The following ASTN2 variants were observed in gnomAD, a reference collection of about 807,000 sequenced individuals.
ASTN2 encodes astrotactin-2.
In ASTN2, 54 loss-of-function variants were observed where a neutral mutation model predicts 139.8. The ratio of observed to expected loss-of-function variants is 0.39; its 90% CI spans 0.31 to 0.48. ASTN2 has a LOEUF of 0.48. Ranked by LOEUF, ASTN2 falls within the 20% of genes least tolerant of loss-of-function variation. The pLI, the probability that ASTN2 is intolerant of heterozygous loss-of-function variation, is 0.95. For missense variants in ASTN2, 1,565 were observed against 1,725.1 expected, an observed-to-expected ratio of 0.91 and a Z score of 1.64; for synonymous variants, 756 against 719.5, an observed-to-expected ratio of 1.05 and a Z score of -0.81.
chr9:116,578,530 T>G (rs1853815428), intron 19 of ASTN2, among the ~76,000 whole-genome samples: 1 of 147,654 alleles, frequency 6.8e-6, no homozygotes, highest in African/African-American at 2.5e-5. Flanking sequence ...GAAATCAGAA[T>G]TCCAGAAATG....
Position 116,427,834 on chromosome 9 carries a change from C to CA in ASTN2, c.3783-1747_3783-1746insT, listed in dbSNP as rs1223216790. Among the ~76,000 whole-genome samples the CA allele has an allele frequency of 3.7e-4, 57 of 152,032 alleles. 1 individual carries two copies. Among genetic ancestry groups the CA allele is most frequent in the Non-Finnish European group, 4.1e-4 (28 of 67,974 alleles). On this transcript the variant is annotated intron_variant, in intron 22 of 22. Coordinates refer to ENST00000313400, the MANE Select transcript of ASTN2 (RefSeq NM_001365068.1). ...AGTCCTCTTTCCCCTCGGGCAAGTG[C>CA]CCCCCCCAAGAGGAGCCTGAGGAGT...
intron 1 of ASTN2, among the ~76,000 whole-genome samples, chr9:117,332,339 G>A (rs1251019790): frequency 6.6e-6 from 1 of 152,168 alleles, no homozygotes; most frequent in East Asian, 1.9e-4. Flanking sequence ...GGGAGGCCAA[G>A]GTGAGTGGAT....
At chr9:116,874,455 G>A (rs1833245287) in intron 10 of ASTN2, among the ~76,000 whole-genome samples, 1 of 152,142 alleles carries the variant, frequency 6.6e-6, no homozygotes, top group African/African-American at 2.4e-5. Context: ...AGGAAGAGAA[G>A]AAGGGCACAA....
In ASTN2 at chr9:116,976,252, G is replaced by T. The variant is rs913201837; in HGVS notation, c.1677-64C>A. The T allele has an allele frequency of 1.1e-5, 15 of 1,357,050 alleles. No individual in the cohort carries two copies. The African/African-American group carries it at 1.9e-4, about 17-fold the overall frequency. 84.1% of individuals were successfully genotyped at this position (1,357,050 alleles called of 1,614,324 possible). On this transcript the variant is annotated intron_variant, in intron 8 of 22. Coordinates refer to ENST00000313400, the MANE Select transcript of ASTN2 (RefSeq NM_001365068.1). ...TCAGAGGCAGGTAGAATTCACATGT[G>T]GACACTGCTCTAGAGTAGCTTTACA...
Position 117,101,024 on chromosome 9 carries a change from G to T in ASTN2, c.1169-4873C>A, listed in dbSNP as rs1458746935. ...AGGGGTACAAGAACTCAGCTCAATGGTTATTATTGGGAAAAGAGTATGCTG... is the reference window on the plus strand; with the variant it reads ...AGGGGTACAAGAACTCAGCTCAATGTTTATTATTGGGAAAAGAGTATGCTG... On this transcript the variant is annotated intron_variant, in intron 4 of 22. Transcript: ENST00000313400. 5.3e-5 allele frequency among the ~76,000 whole-genome samples: 8 copies of T among 152,302 alleles called. No individual in the cohort carries two copies. In the East Asian group the frequency reaches 1.5e-3, roughly 29 times the overall value.
At chr9:116,623,123 C>T (rs1219219963) in intron 17 of ASTN2, among the ~76,000 whole-genome samples, 1 of 144,044 alleles carries the variant, frequency 6.9e-6, no homozygotes, top group Non-Finnish European at 1.5e-5. Flanking sequence ...TGGACCCCAG[C>T]AATGGGAAGA....
chr9:117,080,725 A>G (rs1108381), intron 5 of ASTN2, among the ~76,000 whole-genome samples: 19,244 of 152,164 alleles, frequency 0.13, 1,325 homozygotes, highest in East Asian at 0.21. Flanking sequence ...GTCCACAGAT[A>G]TCCTTAGAGC....
At chr9:117,060,611 G>A (rs916088258) in intron 5 of ASTN2, among the ~76,000 whole-genome samples, 2 of 151,584 alleles carry the variant, frequency 1.3e-5, no homozygotes, top group South Asian at 2.1e-4. Flanking sequence ...AAGGAAGGGC[G>A]GGCCAGGGGC....
intron 19 of ASTN2, among the ~76,000 whole-genome samples, chr9:116,513,409 C>T (rs1850492915): frequency 6.6e-6 from 1 of 152,178 alleles, no homozygotes; most frequent in Admixed American, 6.5e-5. Context: ...GATAACCCAA[C>T]CTTTCTCTCT....
intron 7 of ASTN2, among the ~76,000 whole-genome samples, chr9:116,977,785 C>T (rs552929728): frequency 3.4e-5 from 5 of 147,286 alleles, no homozygotes; most frequent in South Asian, 2.2e-4. Context: ...GACGTGATCT[C>T]GGCTCACTGC....
At chr9:116,855,798 G>A (rs1212798131) in intron 11 of ASTN2, among the ~76,000 whole-genome samples, 2 of 152,130 alleles carry the variant, frequency 1.3e-5, no homozygotes, top group African/African-American at 2.4e-5. Context: ...GATAAAATGG[G>A]AGTAATAATA....
intron 10 of ASTN2, among the ~76,000 whole-genome samples, chr9:116,867,608 G>A (rs1833052359): frequency 6.7e-6 from 1 of 148,560 alleles, no homozygotes; most frequent in Non-Finnish European, 1.5e-5. Flanking sequence ...AGCAGAGACA[G>A]ACAACAACAA....
intron 10 of ASTN2, among the ~76,000 whole-genome samples, chr9:116,940,319 G>T (rs944417914): frequency 2.6e-5 from 4 of 152,106 alleles, no homozygotes; most frequent in African/African-American, 9.7e-5. Context: ...CCTCAGACAA[G>T]TCCTTGTAAC....
intron 5 of ASTN2, among the ~76,000 whole-genome samples, chr9:117,049,221 G>A (rs1838842521): frequency 6.6e-6 from 1 of 151,998 alleles, no homozygotes; most frequent in Non-Finnish European, 1.5e-5. Context: ...GCCTCAAAGA[G>A]CTAGTGTAGT....
At chr9:116,494,205 G>C (rs999187708) in intron 19 of ASTN2, among the ~76,000 whole-genome samples, 2 of 152,100 alleles carry the variant, frequency 1.3e-5, no homozygotes, top group Non-Finnish European at 1.5e-5. Flanking sequence ...ATGACACCTA[G>C]TTTTGAAGCC....
At chr9:117,107,476 G>T (rs764725760) in intron 4 of ASTN2, among the ~76,000 whole-genome samples, 4 of 152,116 alleles carry the variant, frequency 2.6e-5, no homozygotes, top group Non-Finnish European at 4.4e-5. Context: ...GTAACACTGG[G>T]TATTACATCA....
intron 6 of ASTN2, among the ~76,000 whole-genome samples, chr9:117,037,208 G>A (rs1296184491): frequency 1.3e-5 from 2 of 151,910 alleles, no homozygotes; most frequent in Admixed American, 6.6e-5. Context: ...CAATTCCACA[G>A]GCTGCTATAA....
At chr9:116,716,344 A>G (rs985316334) in intron 16 of ASTN2, among the ~76,000 whole-genome samples, 6 of 152,200 alleles carry the variant, frequency 3.9e-5, no homozygotes, top group Non-Finnish European at 5.9e-5. Context: ...TCTGCCATTT[A>G]TAAGTACATG....
chr9:117,008,045 C>T, intron 7 of ASTN2, 47 bp downstream of exon 7: 1 of 1,494,828 alleles, frequency 6.7e-7, no homozygotes, highest in Non-Finnish European at 8.9e-7. Context: ...CCTCTTTCAA[C>T]CCAGCCTCTC....
Sources: allele counts gnomAD v4.1 joint callset (sites outside exome capture counted in the v4.1 genomes callset), GRCh38; gene constraint gnomAD v4.1.1; transcripts MANE v1.5; gene names NCBI Gene and HGNC (gene_info 2026-07-23, HGNC 2026-07-21).